KCNIP4: variants seen among roughly 807,000 people sequenced by gnomAD.
KCNIP4 encodes Kv channel-interacting protein 4.
Under a neutral mutation model 34.0 loss-of-function variants are expected in KCNIP4, and 12 were observed. The ratio of observed to expected loss-of-function variants is 0.35; its 90% CI spans 0.23 to 0.57. The LOEUF (loss-of-function observed/expected upper bound fraction) is 0.57, where lower values mean the gene tolerates loss of function less well. Ranked by LOEUF, KCNIP4 falls within the 20% of genes least tolerant of loss-of-function variation. The probability of loss-of-function intolerance (pLI) is 0.83; values close to 1 mark genes in which losing one functional copy is unlikely to be tolerated. For missense variants in KCNIP4, 238 were observed against 311.7 expected (o/e 0.76, Z 1.78); for synonymous variants, 124 against 102.2 (o/e 1.21, Z -1.29).
At chr4:21,417,048 T>A (rs1443350840) in intron 1 of KCNIP4, among the ~76,000 whole-genome samples, 1 of 152,188 alleles carries the variant, frequency 6.6e-6, no homozygotes, top group East Asian at 1.9e-4. Flanking sequence ...TGTAAGGAAA[T>A]GATGGCAGCC....
intron 1 of KCNIP4, among the ~76,000 whole-genome samples, chr4:21,262,956 CTAAT>C (rs901584898): frequency 3.3e-5 from 5 of 152,172 alleles, no homozygotes; most frequent in African/African-American, 1.2e-4. Flanking sequence ...AGTTGCCTAA[CTAAT>C]GTTTATTTTT....
chr4:21,846,147 C>G (rs1578063031), intron 1 of KCNIP4: 1 of 152,020 alleles, frequency 6.6e-6, no homozygotes, highest in Non-Finnish European at 1.5e-5. Context: ...TTTTTAAGCT[C>G]TAATAGAAAT....
intron 1 of KCNIP4, among the ~76,000 whole-genome samples, chr4:21,775,011 GGAGGA>G (rs1278679210): frequency 6.6e-6 from 1 of 152,092 alleles, no homozygotes; most frequent in East Asian, 1.9e-4. Flanking sequence ...GTGATCATCT[GGAGGA>G]GAGGAGCCAT....
At chr4:21,062,628 T>C (rs1744025624) in intron 1 of KCNIP4, among the ~76,000 whole-genome samples, 1 of 151,632 alleles carries the variant, frequency 6.6e-6, no homozygotes, top group Admixed American at 6.6e-5. Flanking sequence ...ACATGGTGAG[T>C]CTGCAAGCAG....
intron 1 of KCNIP4, among the ~76,000 whole-genome samples, chr4:21,947,298 T>C (rs1730560572): frequency 1.3e-5 from 2 of 152,232 alleles, no homozygotes; most frequent in South Asian, 2.1e-4. Context: ...AATCTACTTA[T>C]GCTTGGCTCG....
At position 21,135,972 on chromosome 4, in the gene KCNIP4, T is replaced by C. The variant is rs188408559; in HGVS notation, c.62-253263A>G. Reference sequence around the variant, plus strand: ...ATTGGCAGTCAGTCATAACTGTTACTATTCATGTAAACAGCTTAAGTAGTA... The same window carrying C: ...ATTGGCAGTCAGTCATAACTGTTACCATTCATGTAAACAGCTTAAGTAGTA... On this transcript the variant is annotated intron_variant, in intron 1 of 8. Transcript: ENST00000382152. 1.6e-3 allele frequency among the ~76,000 whole-genome samples: 249 copies of C among 152,354 alleles called. 1 individual carries two copies. The highest frequency in any genetic ancestry group is 5.7e-3 in the African/African-American group (239 of 41,590).
intron 2 of KCNIP4, among the ~76,000 whole-genome samples, chr4:20,860,126 T>G (rs1356060934): frequency 6.7e-6 from 1 of 149,718 alleles, no homozygotes; most frequent in Non-Finnish European, 1.5e-5. Flanking sequence ...GTCCCATTTC[T>G]TTTTTTTTTC....
intron 1 of KCNIP4, among the ~76,000 whole-genome samples, chr4:21,517,436 A>G (rs1013587553): frequency 1.3e-5 from 2 of 152,196 alleles, no homozygotes; most frequent in Non-Finnish European, 2.9e-5. Flanking sequence ...AAAATTAATC[A>G]GAAAGTTATA....
intron 1 of KCNIP4, among the ~76,000 whole-genome samples, chr4:21,285,002 C>T (rs778191014): frequency 3.3e-5 from 5 of 152,084 alleles, no homozygotes; most frequent in Non-Finnish European, 7.4e-5. Context: ...TATATCAGTG[C>T]CTTTAATGCC....
intron 1 of KCNIP4, among the ~76,000 whole-genome samples, chr4:21,608,172 A>G (rs2109138699): frequency 6.6e-6 from 1 of 152,260 alleles, no homozygotes; most frequent in African/African-American, 2.4e-5. Flanking sequence ...TTCCACAACT[A>G]ATTACCACAA....
At chr4:21,833,056 T>G (rs1578046423) in intron 1 of KCNIP4, among the ~76,000 whole-genome samples, 1 of 149,822 alleles carries the variant, frequency 6.7e-6, no homozygotes, top group African/African-American at 2.5e-5. Context: ...AACATACGTG[T>G]GCATGTGTCT....
chr4:20,803,470 C>CAAAAAAAAAAA (rs551176038), intron 3 of KCNIP4, among the ~76,000 whole-genome samples: 4 of 85,890 alleles, frequency 4.7e-5, no homozygotes, highest in African/African-American at 1.5e-4. Context: ...TCATCTTTAC[C>CAAAAAAAAAAA]AAAAAAAAAA....
intron 1 of KCNIP4, among the ~76,000 whole-genome samples, chr4:21,342,715 G>A (rs769702872): frequency 4.0e-5 from 6 of 151,746 alleles, no homozygotes; most frequent in South Asian, 4.2e-4. Flanking sequence ...ACACCTAATC[G>A]TGTTGCTAGG....
intron 1 of KCNIP4, among the ~76,000 whole-genome samples, chr4:21,549,089 C>T (rs2109012501): frequency 6.6e-6 from 1 of 152,008 alleles, no homozygotes; most frequent in Middle Eastern, 3.4e-3. Flanking sequence ...GCCAAAAGCA[C>T]TCCTAGTTGA....
intron 1 of KCNIP4, among the ~76,000 whole-genome samples, chr4:21,092,925 G>C (rs1189851558): frequency 1.3e-5 from 2 of 152,202 alleles, no homozygotes; most frequent in Non-Finnish European, 2.9e-5. Context: ...AACACATACA[G>C]AAGTATTTGA....
In KCNIP4 at chr4:20,762,303, G is replaced by T. The variant is rs113777633; in HGVS notation, c.289-3413C>A. Among the ~76,000 whole-genome samples the T allele has an allele frequency of 2.6e-5, 4 of 152,174 alleles. 1 individual carries two copies. Among genetic ancestry groups the T allele is most frequent in the African/African-American group, 9.6e-5 (4 of 41,508 alleles). On this transcript the variant is annotated intron_variant, in intron 3 of 8. Transcript: ENST00000382152. ...CACCTGATCTAATCATCTCCCAAAG[G>T]CCCCACCTCCTAATACTATCACATT... is the stretch of plus-strand genomic sequence containing the variant.
chr4:21,441,089 T>C (rs1422436697), intron 1 of KCNIP4, among the ~76,000 whole-genome samples: 1 of 152,060 alleles, frequency 6.6e-6, no homozygotes, highest in Non-Finnish European at 1.5e-5. Context: ...ATTTAAATTA[T>C]TCTCACTGCT....
intron 1 of KCNIP4, among the ~76,000 whole-genome samples, chr4:21,486,881 T>G (rs1731970048): frequency 6.6e-6 from 1 of 151,322 alleles, no homozygotes; most frequent in Non-Finnish European, 1.5e-5. Context: ...CTCGGCTCAC[T>G]GCAACCTCCA....
chr4:20,860,242 C>T (rs1230747018), intron 2 of KCNIP4, among the ~76,000 whole-genome samples: 1 of 152,024 alleles, frequency 6.6e-6, no homozygotes. Flanking sequence ...CAGGTTAAAG[C>T]GATTCTCCTG....
Sources: gnomAD v4.1 joint callset for allele counts (sites outside exome capture counted in the v4.1 genomes callset) on GRCh38, gnomAD v4.1.1 for gene constraint, MANE v1.5 for transcripts, NCBI Gene and HGNC (gene_info 2026-07-23, HGNC 2026-07-21) for gene names.